Variants in PPP2R2C observed in about 807,000 individuals in gnomAD.
PPP2R2C encodes protein phosphatase 2, regulatory subunit B, gamma.
In PPP2R2C, 10 loss-of-function variants were observed where a neutral mutation model predicts 45.3. That is an observed-to-expected ratio of 0.22 (90% CI 0.14 to 0.37). The LOEUF is 0.37. PPP2R2C is among the 10% of genes least tolerant of loss of function. The probability of loss-of-function intolerance (pLI) is 1.00; values close to 1 mark genes in which losing one functional copy is unlikely to be tolerated. For synonymous variants in PPP2R2C, 257 were observed against 245.4 expected (o/e 1.05, Z -0.44); for missense variants, 308 against 619.7 (o/e 0.50, Z 5.34).
chr4:6,383,917 C>A, intron 1 of PPP2R2C: 3 of 986,460 alleles, frequency 3.0e-6, no homozygotes, highest in Non-Finnish European at 3.6e-6. Context: ...TGAGTCAATG[C>A]CAGCTTTGAG....
chr4:6,424,578 C>T (rs1719179713), intron 1 of PPP2R2C, among the ~76,000 whole-genome samples: 1 of 152,174 alleles, frequency 6.6e-6, no homozygotes, highest in African/African-American at 2.4e-5. Flanking sequence ...CCAGACCTCG[C>T]CAGGCAGTGT....
chr4:6,536,586 A>G (rs1724621771), intron 1 of PPP2R2C, among the ~76,000 whole-genome samples: 1 of 152,248 alleles, frequency 6.6e-6, no homozygotes, highest in East Asian at 1.9e-4. Context: ...CCTGTGGCCC[A>G]TACCCCGCAG....
At chr4:6,458,350 C>T (rs1721150462) in intron 1 of PPP2R2C, among the ~76,000 whole-genome samples, 2 of 152,166 alleles carry the variant, frequency 1.3e-5, no homozygotes, top group Non-Finnish European at 2.9e-5. Context: ...AGTCCAAGAT[C>T]AAGGCACAGC....
intron 5 of PPP2R2C, among the ~76,000 whole-genome samples, chr4:6,354,376 A>G (rs1298773814): frequency 6.6e-6 from 1 of 152,064 alleles, no homozygotes; most frequent in Non-Finnish European, 1.5e-5. Context: ...CTGAACACCA[A>G]GGCAAGGCCT....
Position 6,320,651 on chromosome 4 carries a change from T to C in PPP2R2C, c.*2651A>G, listed in dbSNP as rs894465468. On this transcript the variant is annotated 3_prime_UTR_variant, in exon 9 of 9. Transcript: ENST00000382599. ...ACATATTTATAGTTTTATTCAACAA[T>C]TGGGTAATTTGTGAGACACCAAAGA... 6.6e-6 allele frequency: 1 copy of C among 152,540 alleles called. No individual in the cohort carries two copies. Among genetic ancestry groups the C allele is most frequent in the African/African-American group, 2.4e-5 (1 of 41,446 alleles). 9.4% of individuals were successfully genotyped at this position (152,540 alleles called of 1,614,324 possible).
chr4:6,393,197 C>G lies in PPP2R2C; in HGVS notation c.71-12103G>C, dbSNP rs1219860339. On this transcript the variant is annotated intron_variant, in intron 1 of 8. Transcript: ENST00000382599. ...CAAAAAGAAACTCAGAACATTCCCA[C>G]CACCCCAAAAAGAAACCCCACATCC... Among the ~76,000 whole-genome samples the G allele has an allele frequency of 2.0e-5, 3 of 152,148 alleles. No individual in the cohort carries two copies. The East Asian group carries it at 5.8e-4, about 29-fold the overall frequency.
At chr4:6,485,332 G>A (rs1236396856) in intron 2 of PPP2R2C, among the ~76,000 whole-genome samples, 1 of 151,762 alleles carries the variant, frequency 6.6e-6, no homozygotes, top group Non-Finnish European at 1.5e-5. Flanking sequence ...ATGTACATGA[G>A]GACACGAATT....
chr4:6,408,021 T>C (rs1717914079), intron 1 of PPP2R2C, among the ~76,000 whole-genome samples: 1 of 152,162 alleles, frequency 6.6e-6, no homozygotes, highest in Non-Finnish European at 1.5e-5. Flanking sequence ...ATTTTGGATA[T>C]ACAAATTATT....
chr4:6,419,438 G>A (rs1718820375), intron 1 of PPP2R2C, among the ~76,000 whole-genome samples: 1 of 150,760 alleles, frequency 6.6e-6, no homozygotes, highest in South Asian at 2.1e-4. Context: ...AAAAAAGAAA[G>A]AAAAGAAAAG....
At chr4:6,381,345 C>T (rs1464306392) in intron 1 of PPP2R2C, 3 of 1,507,090 alleles carry the variant, frequency 2.0e-6, no homozygotes, top group East Asian at 2.6e-5. Context: ...CCTGGGGCGA[C>T]CACAGTGGCT....
chr4:6,493,033 C>A (rs765332680), intron 2 of PPP2R2C, among the ~76,000 whole-genome samples: 1 of 152,146 alleles, frequency 6.6e-6, no homozygotes, highest in Non-Finnish European at 1.5e-5. Context: ...GCTCAACATG[C>A]ATACCCTGCC....
intron 2 of PPP2R2C, among the ~76,000 whole-genome samples, chr4:6,530,097 G>A (rs1246218693): frequency 6.6e-6 from 1 of 152,150 alleles, no homozygotes; most frequent in Non-Finnish European, 1.5e-5. Flanking sequence ...CCCCAGGAAA[G>A]CAACAAGAGT....
chr4:6,383,766 G>T, intron 1 of PPP2R2C: 1 of 964,918 alleles, frequency 1.0e-6, no homozygotes, highest in Non-Finnish European at 1.3e-6. Context: ...ATGAGGGCAG[G>T]AGCCTCAGGC....
In PPP2R2C at chr4:6,502,310, G is replaced by A. The variant is rs1723085282; in HGVS notation, c.49+32961C>T. On this transcript the variant is annotated intron_variant, in intron 2 of 9. Transcript: ENST00000506140. ...TCCATATGCCGGGGAAATCCTCTGGGACTTCACCTTAAAAGAAACAAGCGA... is the reference window on the plus strand; with the variant it reads ...TCCATATGCCGGGGAAATCCTCTGGAACTTCACCTTAAAAGAAACAAGCGA... Among the ~76,000 whole-genome samples the A allele has an allele frequency of 2.0e-5, 3 of 152,136 alleles. No homozygotes were observed. The South Asian group carries it at 6.2e-4, about 32-fold the overall frequency.
chr4:6,462,846 G>C lies in PPP2R2C; in HGVS notation c.70+9314C>G, dbSNP rs114533605. ...CCAAAAGCAGGGGAGAGTAAATGAA[G>C]GAAGTACAGCAAGATCTTGATAGAT... is the stretch of plus-strand genomic sequence containing the variant. On this transcript the variant is annotated intron_variant, in intron 1 of 8. Coordinates refer to ENST00000382599, the MANE Select transcript of PPP2R2C (RefSeq NM_020416.4). 6.6e-3 allele frequency among the ~76,000 whole-genome samples: 1,005 copies of C among 152,296 alleles called. 1 individual carries two copies. The highest frequency in any genetic ancestry group is 0.027 in the Middle Eastern group (8 of 294).
chr4:6,384,570 C>T (rs1716090151), intron 1 of PPP2R2C: 3 of 984,016 alleles, frequency 3.0e-6, no homozygotes, highest in Admixed American at 6.1e-5. Flanking sequence ...GGTGGGCATA[C>T]ACACAGTGTA....
rs575602763 is a variant in PPP2R2C at position 6,416,563 on chromosome 4, G to A, written c.71-35469C>T. 1.4e-3 allele frequency among the ~76,000 whole-genome samples: 219 copies of A among 152,300 alleles called. 1 individual carries two copies. The highest frequency in any genetic ancestry group is 0.01 in the Middle Eastern group (3 of 294). On this transcript the variant is annotated intron_variant, in intron 1 of 8. Transcript: ENST00000382599. ...CCAACAGAAAGCAGCTGTGACCCCC[G>A]GGGTGAAGCAGAAGCCCTGGCTGCA... is the stretch of plus-strand genomic sequence containing the variant.
At chr4:6,405,440 G>A (rs1182483159) in intron 1 of PPP2R2C, among the ~76,000 whole-genome samples, 1 of 152,208 alleles carries the variant, frequency 6.6e-6, no homozygotes, top group African/African-American at 2.4e-5. Context: ...GGGGGAAGAA[G>A]GGATGAACAG....
chr4:6,401,691 C>T (rs1717420511), intron 1 of PPP2R2C, among the ~76,000 whole-genome samples: 1 of 152,152 alleles, frequency 6.6e-6, no homozygotes, highest in East Asian at 1.9e-4. Context: ...CAAGTGTCTC[C>T]AGGGACCACA....
Sources: allele counts gnomAD v4.1 joint callset (sites outside exome capture counted in the v4.1 genomes callset), GRCh38; gene constraint gnomAD v4.1.1; transcripts MANE v1.5; gene names NCBI Gene and HGNC (gene_info 2026-07-23, HGNC 2026-07-21).